The following MYRIP variants were observed in gnomAD, a reference collection of about 807,000 sequenced individuals.
MYRIP encodes myosin VIIA and Rab interacting protein.
MYRIP carries 49 observed loss-of-function variants against 98.0 expected under a neutral mutation model. That is an observed-to-expected ratio of 0.50 (90% confidence interval 0.40 to 0.63). MYRIP has a LOEUF of 0.63. Among genes scored for constraint, MYRIP ranks in the 30% least tolerant of loss-of-function variants. The pLI, the probability that MYRIP is intolerant of heterozygous loss-of-function variation, is 0.00. For missense variants in MYRIP, 1,004 were observed against 1,058.2 expected (o/e 0.95, Z 0.71); for synonymous variants, 404 against 409.5 (o/e 0.99, Z 0.16).
At chr3:40,003,288 G>A (rs913848219) in intron 2 of MYRIP, among the ~76,000 whole-genome samples, 3 of 152,156 alleles carry the variant, frequency 2.0e-5, no homozygotes, top group Non-Finnish European at 4.4e-5. Flanking sequence ...CCCCTGTGAG[G>A]TGTCTTCAAG....
At chr3:40,158,919 C>T (rs920323598) in intron 4 of MYRIP, among the ~76,000 whole-genome samples, 3 of 151,994 alleles carry the variant, frequency 2.0e-5, no homozygotes, top group African/African-American at 2.4e-5. Context: ...TTCCTGAATA[C>T]AGCACACTGA....
chr3:40,037,360 CT>C (rs1216256145), intron 2 of MYRIP, among the ~76,000 whole-genome samples: 1 of 151,970 alleles, frequency 6.6e-6, no homozygotes, highest in African/African-American at 2.4e-5. Context: ...GATATATAGC[CT>C]TTTATCTTGT....
chr3:40,143,109 G>C (rs1340372594), intron 3 of MYRIP, among the ~76,000 whole-genome samples: 1 of 152,178 alleles, frequency 6.6e-6, no homozygotes, highest in South Asian at 2.1e-4. Context: ...AGATTAGTCT[G>C]GCTGCACTGT....
chr3:40,090,324 G>C (rs1450392685), intron 3 of MYRIP, among the ~76,000 whole-genome samples: 1 of 152,104 alleles, frequency 6.6e-6, no homozygotes, highest in African/African-American at 2.4e-5. Flanking sequence ...GTATGATTGT[G>C]TTCAGGCATT....
chr3:39,997,006 C>T (rs1457663465), intron 2 of MYRIP, among the ~76,000 whole-genome samples: 1 of 152,096 alleles, frequency 6.6e-6, no homozygotes, highest in African/African-American at 2.4e-5. Context: ...ACACAACATA[C>T]CAGAATCTCT....
chr3:40,248,384 T>A (rs1285679244), intron 13 of MYRIP: 1 of 152,244 alleles, frequency 6.6e-6, no homozygotes, highest in African/African-American at 2.4e-5. Flanking sequence ...CTTGTGGACA[T>A]GGAGCTCTTG....
chr3:39,836,845 A>G (rs1941642940), intron 1 of MYRIP, among the ~76,000 whole-genome samples: 1 of 152,230 alleles, frequency 6.6e-6, no homozygotes, highest in African/African-American at 2.4e-5. Context: ...ATTAAAGCTC[A>G]GGTACCGGTG....
intron 1 of MYRIP, among the ~76,000 whole-genome samples, chr3:39,835,717 A>G (rs1044035396): frequency 2.0e-5 from 3 of 152,038 alleles, no homozygotes; most frequent in Non-Finnish European, 4.4e-5. Flanking sequence ...TACATTAGGT[A>G]TTTCTCCTAA....
intron 2 of MYRIP, among the ~76,000 whole-genome samples, chr3:40,035,660 A>G (rs974398860): frequency 2.6e-4 from 40 of 152,056 alleles, no homozygotes; most frequent in Non-Finnish European, 4.7e-4. Flanking sequence ...AGAAAAGGAC[A>G]GGCAGACTTA....
At chr3:40,188,901 G>C (rs1392746457) in intron 9 of MYRIP, among the ~76,000 whole-genome samples, 1 of 152,184 alleles carries the variant, frequency 6.6e-6, no homozygotes, top group Non-Finnish European at 1.5e-5. Flanking sequence ...TGGGAAGAAA[G>C]CATTTTCCTA....
chr3:40,243,856 C>T (rs1400276122), intron 12 of MYRIP, among the ~76,000 whole-genome samples: 3 of 152,168 alleles, frequency 2.0e-5, no homozygotes, highest in Non-Finnish European at 4.4e-5. Flanking sequence ...TCCTAATTGA[C>T]AGATAAATAG....
chr3:40,179,215 T>C (rs2679805), intron 8 of MYRIP, among the ~76,000 whole-genome samples: 137,194 of 152,264 alleles, frequency 0.9, 62,208 homozygotes, highest in East Asian at 0.96. Context: ...GAACTGTCTT[T>C]TTCCACCCTG....
At chr3:40,079,699 A>T (rs1208576617) in intron 3 of MYRIP, among the ~76,000 whole-genome samples, 1 of 152,246 alleles carries the variant, frequency 6.6e-6, no homozygotes. Flanking sequence ...CTGAAAATGC[A>T]TGTATGCTGG....
Position 40,182,207 on chromosome 3 carries a change from T to C in MYRIP, c.874-13T>C, listed in dbSNP as rs1330250133. The C allele has an allele frequency of 3.1e-6, 5 of 1,598,342 alleles. No homozygotes were observed. Among genetic ancestry groups the C allele is most frequent in the Non-Finnish European group, 4.3e-6 (5 of 1,171,676 alleles). ...CTTATGAGCTCACCCCTTCCCCTCT[T>C]TCCTTTCCACAGAGGTCCCAGTCTG... On this transcript the variant is annotated splice_polypyrimidine_tract_variant and intron_variant, in intron 8 of 16. Transcript: ENST00000302541.
chr3:40,214,604 TG>T (rs1435151912), intron 11 of MYRIP, among the ~76,000 whole-genome samples: 1 of 152,172 alleles, frequency 6.6e-6, no homozygotes, highest in Non-Finnish European at 1.5e-5. Context: ...AGAACGAGCT[TG>T]GAGCCAGATC....
chr3:40,092,230 A>T (rs1413020517), intron 3 of MYRIP, among the ~76,000 whole-genome samples: 1 of 152,076 alleles, frequency 6.6e-6, no homozygotes, highest in African/African-American at 2.4e-5. Flanking sequence ...TGATTCAGAG[A>T]CCCTGCCTAG....
At chr3:40,079,097 G>A (rs376331119) in intron 3 of MYRIP, among the ~76,000 whole-genome samples, 1 of 152,338 alleles carries the variant, frequency 6.6e-6, no homozygotes, top group African/African-American at 2.4e-5. Flanking sequence ...AGAGGAAAGA[G>A]AAGCTAGAAA....
chr3:40,217,844 C>A lies in MYRIP; in HGVS notation c.1905+7751C>A, dbSNP rs1952171019. On this transcript the variant is annotated intron_variant, in intron 11 of 16. Coordinates refer to ENST00000302541, the MANE Select transcript of MYRIP (RefSeq NM_015460.4). ...CTTTCATGATTCAACATTGGTCTGG[C>A]ATTCTCTCCAGTGCAATAGGAAATA... Among the ~76,000 whole-genome samples the A allele has an allele frequency of 3.3e-5, 5 of 152,246 alleles. 1 individual carries two copies. The South Asian group carries it at 1.0e-3, about 32-fold the overall frequency.
chr3:40,231,460 G>A (rs1038625858), intron 11 of MYRIP, among the ~76,000 whole-genome samples: 2 of 152,180 alleles, frequency 1.3e-5, no homozygotes, highest in African/African-American at 4.8e-5. Context: ...AGAGAACTGG[G>A]AAGTGCATAT....
Sources: allele counts gnomAD v4.1 joint callset (sites outside exome capture counted in the v4.1 genomes callset), GRCh38; gene constraint gnomAD v4.1.1; transcripts MANE v1.5; gene names NCBI Gene and HGNC (gene_info 2026-07-23, HGNC 2026-07-21).